NDUFAF5: variants seen among roughly 807,000 people sequenced by gnomAD.
NDUFAF5 encodes NADH:ubiquinone oxidoreductase complex assembly factor 5.
NDUFAF5 carries 34 observed loss-of-function variants against 48.9 expected under a neutral mutation model. The ratio of observed to expected loss-of-function variants is 0.70; its 90% CI spans 0.53 to 0.93. The LOEUF is 0.93. Among genes scored for constraint, NDUFAF5 ranks in the 40% least tolerant of loss-of-function variants. The pLI is 0.00. For synonymous variants in NDUFAF5, 153 were observed against 150.6 expected (o/e 1.02, Z -0.12); for missense variants, 428 against 427.5 (o/e 1.00, Z -0.01).
At chr20:13,809,246 A>C (rs1985517407) in intron 8 of NDUFAF5, among the ~76,000 whole-genome samples, 1 of 152,226 alleles carries the variant, frequency 6.6e-6, no homozygotes, top group Non-Finnish European at 1.5e-5. Context: ...CACATTGGTG[A>C]CTTCCTTCAG....
Position 13,785,298 on chromosome 20 carries a change from C to CGCGGGGCGGCGGGGCA in NDUFAF5, c.222+23_222+24insAGCGGGGCGGCGGGGC. On this transcript the variant is annotated intron_variant, in intron 1 of 10. Transcript: ENST00000378106. ...GACTACCTGAAGGAGGAGGTGAGCC[C>CGCGGGGCGGCGGGGCA]GCGGGGCGGCGGGGCGGCGGGGCGG... is the stretch of plus-strand genomic sequence containing the variant. 9.6e-7 allele frequency: 1 copy of CGCGGGGCGGCGGGGCA among 1,040,672 alleles called. No homozygotes were observed. Among genetic ancestry groups the CGCGGGGCGGCGGGGCA allele is most frequent in the Non-Finnish European group, 1.4e-6 (1 of 725,828 alleles). The allele number at this position is 1,040,672 out of a possible 1,614,324, so 64.5% of individuals were successfully genotyped here.
chr20:13,790,020 T>C, intron 3 of NDUFAF5, among the ~76,000 whole-genome samples: 1 of 152,074 alleles, frequency 6.6e-6, no homozygotes, highest in South Asian at 2.1e-4. Context: ...TTTGAGTTGG[T>C]GGTTCCTAGC....
chr20:13,787,223 AT>A (rs1820141967), intron 1 of NDUFAF5, 88 bp from the exon 2 acceptor site: 5 of 1,408,140 alleles, frequency 3.6e-6, no homozygotes, highest in Non-Finnish European at 5.0e-6. Flanking sequence ...GGAAGTACTT[AT>A]TTTAAAACAT....
In NDUFAF5 at chr20:13,785,058, C is replaced by A. The variant is rs375334127; in HGVS notation, c.-11C>A. On this transcript the variant is annotated 5_prime_UTR_variant, in exon 1 of 11. Transcript: ENST00000378106. ...CACAAAAAGCGCCGGCAATTGGGGT[C>A]GCAGCTGGAGATGCTGCGGCCGGCA... is the stretch of plus-strand genomic sequence containing the variant. 5 of 1,607,278 alleles carry A rather than the reference C, an allele frequency of 3.1e-6. No homozygotes were observed. In the South Asian group the frequency reaches 3.3e-5, roughly 11 times the overall value.
chr20:13,789,200 T>C (rs1403021744), intron 3 of NDUFAF5, among the ~76,000 whole-genome samples: 4 of 152,204 alleles, frequency 2.6e-5, no homozygotes, highest in Non-Finnish European at 5.9e-5. Context: ...AGTCTCACTC[T>C]GTTGCCCAGG....
rs1437941804 is a variant in NDUFAF5 at position 13,818,990 on chromosome 20, A to G, written c.*1780A>G. The stretch of plus-strand genomic sequence containing the variant: ...TATATGTGGATGGTGGGGTGGAGCT[A>G]AGGATTACTCTACTCTGGCTATCCC... On this transcript the variant is annotated 3_prime_UTR_variant, in exon 11 of 11. Transcript: ENST00000378106. 6.6e-6 allele frequency: 1 copy of G among 152,226 alleles called. No homozygotes were observed. Among genetic ancestry groups the G allele is most frequent in the Non-Finnish European group, 1.5e-5 (1 of 68,060 alleles). 9.4% of individuals were successfully genotyped at this position (152,226 alleles called of 1,614,324 possible). A position where few individuals can be genotyped will look rare whatever the true frequency, so the allele number is the denominator to read the frequency against.
At chr20:13,801,783 C>A in intron 7 of NDUFAF5, 100 bp downstream of exon 7, 2 of 990,892 alleles carry the variant, frequency 2.0e-6, no homozygotes, top group Non-Finnish European at 3.1e-6. Context: ...GGTTTCATGG[C>A]ACTCTTTCTC....
At chr20:13,814,225 G>C (rs536539188) in intron 8 of NDUFAF5, 11 of 354,650 alleles carry the variant, frequency 3.1e-5, no homozygotes, top group Non-Finnish European at 5.5e-5. Flanking sequence ...GTCAGAGGCA[G>C]ATGAGATGGG....
intron 2 of NDUFAF5, 37 bp from the exon 3 acceptor site, chr20:13,788,552 T>C (rs763578888): frequency 5.4e-6 from 8 of 1,472,604 alleles, no homozygotes; most frequent in Non-Finnish European, 5.7e-6. Context: ...TAGACTGTGT[T>C]ATGGACAGAG....
chr20:13,789,131 A>G (rs960887493), intron 3 of NDUFAF5, among the ~76,000 whole-genome samples: 2 of 152,188 alleles, frequency 1.3e-5, no homozygotes, highest in Admixed American at 6.5e-5. Flanking sequence ...GCTCCTATCT[A>G]TACGATATTG....
At chr20:13,794,047 T>C (rs573906535) in intron 4 of NDUFAF5, among the ~76,000 whole-genome samples, 1 of 152,350 alleles carries the variant, frequency 6.6e-6, no homozygotes, top group African/African-American at 2.4e-5. Flanking sequence ...TTAGGGATAT[T>C]AATCCTTCAT....
intron 5 of NDUFAF5, 144 bp downstream of exon 5, chr20:13,795,085 G>C: frequency 1.5e-6 from 1 of 664,574 alleles, no homozygotes; most frequent in Admixed American, 2.3e-5. Flanking sequence ...TTGAGGTCAG[G>C]AGTTTGAAAC....
In NDUFAF5 at chr20:13,788,640, A is replaced by G. The variant is rs776511367; in HGVS notation, c.315A>G (p.Gln105=). The G allele has an allele frequency of 8.1e-6, 13 of 1,607,852 alleles. No homozygotes were observed. The highest frequency in any genetic ancestry group is 1.1e-5 in the Non-Finnish European group (13 of 1,174,514). Residue 105 remains glutamine, a synonymous_variant, in exon 3 of 11, where the codon CAA becomes CAG. Coordinates refer to ENST00000378106, the MANE Select transcript of NDUFAF5 (RefSeq NM_024120.5). ...DLGCGRGYIA[Q]YLNKETIGKF... ...GTTGTGGAAGAGGTTACATTGCACA[A>G]TATTTGAATAAGGTATATTTATTCA...
chr20:13,796,303 C>A (rs1022035025), intron 5 of NDUFAF5, among the ~76,000 whole-genome samples: 1 of 152,122 alleles, frequency 6.6e-6, no homozygotes, highest in African/African-American at 2.4e-5. Context: ...TACTCACATT[C>A]TGTCATGAAA....
At chr20:13,792,707 T>C (rs999655346) in intron 3 of NDUFAF5, among the ~76,000 whole-genome samples, 2 of 152,136 alleles carry the variant, frequency 1.3e-5, no homozygotes, top group African/African-American at 4.8e-5. Flanking sequence ...AGAAAGTGTT[T>C]TTCTGGTGCA....
chr20:13,798,868 C>T (rs1247711180), intron 6 of NDUFAF5, among the ~76,000 whole-genome samples: 5 of 152,146 alleles, frequency 3.3e-5, no homozygotes, highest in African/African-American at 1.2e-4. Context: ...ATGCCTTATA[C>T]TCAGAGAGTG....
At chr20:13,805,773 TA>T (rs200106254) in intron 7 of NDUFAF5, among the ~76,000 whole-genome samples, 1 of 151,512 alleles carries the variant, frequency 6.6e-6, no homozygotes, top group South Asian at 2.1e-4. Flanking sequence ...TCCTCATCTC[TA>T]AAAAAAAATT....
chr20:13,818,439 T>TG lies in NDUFAF5; in HGVS notation c.*1233dup. On this transcript the variant is annotated 3_prime_UTR_variant, in exon 11 of 11. Transcript: ENST00000378106. ...AAGTAGAATTTGGCGTTTTGTTTTT[T>TG]GGGGTTTTTTTTTTTTTTAGCTTAA... The TG allele has an allele frequency of 6.0e-6, 2 of 332,134 alleles. No homozygotes were observed. Among genetic ancestry groups the TG allele is most frequent in the Non-Finnish European group, 1.2e-5 (2 of 172,618 alleles). 20.6% of individuals were successfully genotyped at this position (332,134 alleles called of 1,614,324 possible). A position where few individuals can be genotyped will look rare whatever the true frequency, so the allele number is the denominator to read the frequency against.
Position 13,817,303 on chromosome 20 carries a change from C to A in NDUFAF5, c.*93C>A. ...ATTATATTTTGAAGCAAGAAGCACT[C>A]TAAGCTATTTACTAATAGGCTTTTC... On this transcript the variant is annotated 3_prime_UTR_variant, in exon 11 of 11. Transcript: ENST00000378106. The A allele has an allele frequency of 1.0e-6, 1 of 996,724 alleles. No homozygotes were observed. Among genetic ancestry groups the A allele is most frequent in the Non-Finnish European group, 1.6e-6 (1 of 618,428 alleles). 61.7% of individuals were successfully genotyped at this position (996,724 alleles called of 1,614,324 possible).
Sources: allele counts gnomAD v4.1 joint callset (sites outside exome capture counted in the v4.1 genomes callset), GRCh38; gene constraint gnomAD v4.1.1; transcripts MANE v1.5; gene names NCBI Gene and HGNC (gene_info 2026-07-23, HGNC 2026-07-21).